The following IMMP2L variants were observed in gnomAD, a reference collection of about 807,000 sequenced individuals.
IMMP2L encodes the protein inner mitochondrial membrane peptidase subunit 2.
IMMP2L carries 18 observed loss-of-function variants against 19.3 expected under a neutral mutation model. That is an observed-to-expected ratio of 0.93 (90% CI 0.64 to 1.38). The LOEUF is 1.38. Ranked by LOEUF, IMMP2L falls within the 40% of genes most tolerant of loss-of-function variation. The pLI is 0.00. For missense variants in IMMP2L, 233 were observed against 218.2 expected, an observed-to-expected ratio of 1.07 and a Z score of -0.43; for synonymous variants, 76 against 73.0, an observed-to-expected ratio of 1.04 and a Z score of -0.21.
At chr7:111,009,446 T>C (rs553992231) in intron 3 of IMMP2L, among the ~76,000 whole-genome samples, 21 of 152,020 alleles carry the variant, frequency 1.4e-4, no homozygotes, top group Non-Finnish European at 2.1e-4. Context: ...AGGGCAGAAA[T>C]TGTATTGCTC....
At chr7:110,747,638 T>A (rs945691712) in intron 5 of IMMP2L, among the ~76,000 whole-genome samples, 4 of 151,982 alleles carry the variant, frequency 2.6e-5, no homozygotes, top group African/African-American at 9.7e-5. Flanking sequence ...ACAGAACCAA[T>A]GACAAAAACC....
intron 4 of IMMP2L, among the ~76,000 whole-genome samples, chr7:110,901,540 A>G (rs1239464908): frequency 2.0e-5 from 3 of 152,152 alleles, no homozygotes. Flanking sequence ...TTACTTTGTG[A>G]AAATTAAGTC....
intron 3 of IMMP2L, among the ~76,000 whole-genome samples, chr7:111,026,384 G>A (rs1826822462): frequency 6.6e-6 from 1 of 152,016 alleles, no homozygotes. Context: ...TTAAAACAAA[G>A]TATCCCTTTG....
At chr7:110,737,857 G>C (rs1796739228) in intron 5 of IMMP2L, among the ~76,000 whole-genome samples, 1 of 152,168 alleles carries the variant, frequency 6.6e-6, no homozygotes, top group African/African-American at 2.4e-5. Flanking sequence ...ACAGCTGCAA[G>C]ACCTGAAGAC....
chr7:111,456,166 A>G (rs904540837), intron 3 of IMMP2L, among the ~76,000 whole-genome samples: 2 of 152,010 alleles, frequency 1.3e-5, no homozygotes, highest in African/African-American at 4.8e-5. Flanking sequence ...CTTTAGGGCA[A>G]GAAAAGGTGA....
At chr7:111,533,259 T>A (rs370358737) in intron 1 of IMMP2L, among the ~76,000 whole-genome samples, 70 of 152,244 alleles carry the variant, frequency 4.6e-4, no homozygotes, top group African/African-American at 1.7e-3. Flanking sequence ...TGCGATCTCA[T>A]TTAGATTATT....
chr7:110,853,679 A>G (rs753801096), intron 5 of IMMP2L, among the ~76,000 whole-genome samples: 1 of 152,106 alleles, frequency 6.6e-6, no homozygotes, highest in East Asian at 1.9e-4. Flanking sequence ...TAATTTTTCT[A>G]TTTTTCTCTC....
At chr7:110,999,572 T>A (rs2129561020) in intron 3 of IMMP2L, among the ~76,000 whole-genome samples, 1 of 150,814 alleles carries the variant, frequency 6.6e-6, no homozygotes, top group Admixed American at 6.6e-5. Context: ...ATGGATACAA[T>A]ATGTTCTCAA....
chr7:110,759,789 C>T (rs1452300481), intron 5 of IMMP2L, among the ~76,000 whole-genome samples: 1 of 152,006 alleles, frequency 6.6e-6, no homozygotes, highest in Non-Finnish European at 1.5e-5. Context: ...GTTATAGCTT[C>T]AATAATTTCA....
chr7:110,913,502 A>G (rs2129548736), intron 4 of IMMP2L, among the ~76,000 whole-genome samples: 1 of 152,330 alleles, frequency 6.6e-6, no homozygotes, highest in East Asian at 1.9e-4. Flanking sequence ...ATAAATGAAC[A>G]AAGGACCTGC....
chr7:111,466,876 A>G (rs1277276113), intron 3 of IMMP2L, among the ~76,000 whole-genome samples: 1 of 152,148 alleles, frequency 6.6e-6, no homozygotes, highest in Admixed American at 6.6e-5. Flanking sequence ...TAATCTGGAG[A>G]TAATTTAAAG....
intron 1 of IMMP2L, among the ~76,000 whole-genome samples, chr7:111,539,192 G>GA (rs761192308): frequency 0.11 from 2,060 of 19,606 alleles, 274 homozygotes; most frequent in African/African-American, 0.13. Flanking sequence ...AGGAAGGAAG[G>GA]AGGGAGAAAG....
chr7:110,676,050 C>G (rs1792273853), intron 5 of IMMP2L, among the ~76,000 whole-genome samples: 1 of 152,042 alleles, frequency 6.6e-6, no homozygotes, highest in Admixed American at 6.6e-5. Flanking sequence ...AAAAATAAAG[C>G]TCAGAATTAC....
chr7:111,048,254 A>AAG (rs148941947), intron 3 of IMMP2L, among the ~76,000 whole-genome samples: 85,258 of 120,600 alleles, frequency 0.71, 34,971 homozygotes, highest in Non-Finnish European at 0.89. Flanking sequence ...AAAAAAAAAA[A>AAG]AAAAAAAAAA....
At chr7:110,713,889 C>T (rs558820938) in intron 5 of IMMP2L, among the ~76,000 whole-genome samples, 3 of 152,242 alleles carry the variant, frequency 2.0e-5, no homozygotes, top group African/African-American at 7.2e-5. Context: ...AGTTCGACTT[C>T]TTCTTTTCCT....
intron 5 of IMMP2L, among the ~76,000 whole-genome samples, chr7:110,875,760 G>T (rs910783067): frequency 6.6e-6 from 1 of 152,058 alleles, no homozygotes. Context: ...ATCACTGGAG[G>T]TCTAAGTAAA....
At chr7:111,046,126 C>A (rs573489917) in intron 3 of IMMP2L, among the ~76,000 whole-genome samples, 1 of 151,658 alleles carries the variant, frequency 6.6e-6, no homozygotes, top group Non-Finnish European at 1.5e-5. Context: ...ATAATTCAAA[C>A]AAATTAAAAA....
chr7:111,411,760 G>C, intron 3 of IMMP2L: 1 of 198,640 alleles, frequency 5.0e-6, no homozygotes. Context: ...TCTACAAGGA[G>C]GAGCTGGTGA....
chr7:110,828,604 T>C (rs1378248229), intron 5 of IMMP2L, among the ~76,000 whole-genome samples: 1 of 152,070 alleles, frequency 6.6e-6, no homozygotes, highest in East Asian at 1.9e-4. Context: ...AAAAAATAAA[T>C]GTGACCTTAG....
Sources: allele counts gnomAD v4.1 joint callset (sites outside exome capture counted in the v4.1 genomes callset), GRCh38; gene constraint gnomAD v4.1.1; transcripts MANE v1.5; gene names NCBI Gene and HGNC (gene_info 2026-07-23, HGNC 2026-07-21).